Variants in CLPTM1L observed in about 807,000 individuals in gnomAD.
CLPTM1L encodes the protein lipid scramblase CLPTM1L.
In CLPTM1L, 38 loss-of-function variants were observed where a neutral mutation model predicts 70.9. That is an observed-to-expected ratio of 0.54 (90% CI 0.41 to 0.70). CLPTM1L has a LOEUF of 0.70. Among genes scored for constraint, CLPTM1L ranks in the 30% least tolerant of loss-of-function variants. CLPTM1L has a pLI of 0.00. For synonymous variants in CLPTM1L, 339 were observed against 299.9 expected (o/e 1.13, Z -1.35); for missense variants, 652 against 705.9 (o/e 0.92, Z 0.87).
chr5:1,340,910 C>T (rs1259298533), intron 3 of CLPTM1L, among the ~76,000 whole-genome samples: 3 of 152,100 alleles, frequency 2.0e-5, no homozygotes, highest in Admixed American at 6.6e-5. Flanking sequence ...GGATTACAGG[C>T]GCGTGCCACC....
chr5:1,327,876 C>T (rs541291547), intron 9 of CLPTM1L, among the ~76,000 whole-genome samples: 3 of 134,762 alleles, frequency 2.2e-5, no homozygotes, highest in African/African-American at 8.4e-5. Flanking sequence ...TTTCATCCAG[C>T]TCCTCCTCTA....
chr5:1,331,520 G>GCCCAGA (rs1753088272), intron 8 of CLPTM1L: 1 of 555,190 alleles, frequency 1.8e-6, no homozygotes, highest in Non-Finnish European at 3.2e-6. Flanking sequence ...ACTCTCCACA[G>GCCCAGA]CCCAGACCCA....
At chr5:1,341,326 C>A (rs1252529025) in intron 3 of CLPTM1L, among the ~76,000 whole-genome samples, 1 of 152,236 alleles carries the variant, frequency 6.6e-6, no homozygotes, top group Non-Finnish European at 1.5e-5. Flanking sequence ...CCCCAGAGCT[C>A]CTGGTGAGAA....
At position 1,335,037 on chromosome 5, in the gene CLPTM1L, C is replaced by T. The variant is rs200594051; in HGVS notation, c.796+20G>A. ...CTCCAGGGCGGCCTCACCCAGGCGC[C>T]GGCCGTGTGCGGCACATACCGAACT... On this transcript the variant is annotated intron_variant, in intron 6 of 16. Coordinates refer to ENST00000320895, the MANE Select transcript of CLPTM1L (RefSeq NM_030782.5). The T allele has an allele frequency of 5.5e-5, 88 of 1,598,410 alleles. No homozygotes were observed. In the East Asian group the frequency reaches 7.8e-4, roughly 14 times the overall value.
chr5:1,324,935 G>T, intron 10 of CLPTM1L, 122 bp from the exon 11 acceptor site: 1 of 847,676 alleles, frequency 1.2e-6, no homozygotes, highest in Non-Finnish European at 2.0e-6. Flanking sequence ...TACAGAGGGC[G>T]CTCAGGTCCC....
At chr5:1,333,145 T>G (rs796927972) in intron 7 of CLPTM1L, among the ~76,000 whole-genome samples, 6 of 54,848 alleles carry the variant, frequency 1.1e-4, no homozygotes, top group Admixed American at 2.1e-4. Context: ...GACTACTGTA[T>G]ACACACCGGA....
chr5:1,326,252 G>A (rs1752531114), intron 9 of CLPTM1L: 1 of 250,406 alleles, frequency 4.0e-6, no homozygotes, highest in East Asian at 1.2e-4. Flanking sequence ...ACGGCACTGT[G>A]ACTCGTACCT....
intron 13 of CLPTM1L, 120 bp downstream of exon 13, chr5:1,322,757 T>C: frequency 1.0e-6 from 1 of 994,248 alleles, no homozygotes; most frequent in Non-Finnish European, 1.6e-6. Flanking sequence ...CAGAACAGGG[T>C]GGGGAGGGAT....
In CLPTM1L at chr5:1,335,088, C is replaced by T. The variant is rs1579646057; in HGVS notation, c.765G>A (p.Met255Ile). Residue 255 changes from methionine to isoleucine, a missense_variant, in exon 6 of 17, where the codon ATG becomes ATA. Physicochemically the swap from Met to Ile is conservative, Grantham distance 10 (BLOSUM62 1). Coordinates refer to ENST00000320895, the MANE Select transcript of CLPTM1L (RefSeq NM_030782.5). ...SLGRLRFWIH[M>I]QDAVYSLQQF... ...GCTGCAGGGAGTACACGGCGTCCTG[C>T]ATGTGGATCCAGAAGCGCAGCCGCC... 1 of 1,613,546 alleles carries T rather than the reference C, an allele frequency of 6.2e-7. No homozygotes were observed. The highest frequency in any genetic ancestry group is 8.5e-7 in the Non-Finnish European group (1 of 1,180,008).
chr5:1,337,798 C>T, intron 5 of CLPTM1L, 106 bp downstream of exon 5: 1 of 906,378 alleles, frequency 1.1e-6, no homozygotes, highest in Non-Finnish European at 1.8e-6. Flanking sequence ...AGCACCGTGT[C>T]AAATGTCAGC....
In CLPTM1L at chr5:1,342,228, C is replaced by G. The variant is rs1753995837; in HGVS notation, c.264-368G>C. Among the ~76,000 whole-genome samples the G allele has an allele frequency of 6.6e-6, 1 of 152,188 alleles. No homozygotes were observed. Among genetic ancestry groups the G allele is most frequent in the African/African-American group, 2.4e-5 (1 of 41,446 alleles). On this transcript the variant is annotated intron_variant, in intron 2 of 16. Transcript: ENST00000320895. The surrounding 1 kb of genome is among the most constrained non-coding windows in gnomAD (Gnocchi z 4.3). ...GCCTGGCCAGGGTACCAGCTGACCA[C>G]ACACACTGAATCACCCAACTCCGAA...
At chr5:1,338,141 G>A (rs1560868223) in intron 4 of CLPTM1L, 159 bp from the exon 5 acceptor site, 6 of 648,206 alleles carry the variant, frequency 9.3e-6, no homozygotes, top group South Asian at 8.9e-5. Flanking sequence ...CTCCCCAAAC[G>A]GAAGCAGAGA....
rs1754176107 is a variant in CLPTM1L, at chr5:1,344,821, G to A, written c.21C>T (p.Ser7=). The A allele has an allele frequency of 1.3e-6, 2 of 1,578,820 alleles. No homozygotes were observed. The highest frequency in any genetic ancestry group is 2.4e-5 in the East Asian group (1 of 40,980). Residue 7 remains serine (S), a synonymous_variant, in exon 1 of 17, where the codon TCC becomes TCT. Coordinates refer to ENST00000320895, the MANE Select transcript of CLPTM1L (RefSeq NM_030782.5). MWSGRS[S]FTSLVVGVFV... is the part of the protein sequence containing the mutation. ...ACACGCCCACCACCAAGCTGGTGAA[G>A]GAGCTGCGGCCGCTCCACATGGCGG...
At chr5:1,330,165 G>A (rs978883555) in intron 9 of CLPTM1L, 115 bp downstream of exon 9, 24 of 830,450 alleles carry the variant, frequency 2.9e-5, no homozygotes, top group South Asian at 6.2e-5. Flanking sequence ...TGAGGCCATC[G>A]GGAACAAGCA....
chr5:1,336,540 G>A (rs991217295), intron 5 of CLPTM1L, among the ~76,000 whole-genome samples: 4 of 152,206 alleles, frequency 2.6e-5, no homozygotes, highest in Non-Finnish European at 4.4e-5. Context: ...AGCGGCATGA[G>A]GCTTCACAAG....
chr5:1,330,989 T>A (rs544654218), intron 8 of CLPTM1L: 1 of 152,814 alleles, frequency 6.5e-6, no homozygotes, highest in Admixed American at 6.5e-5. Context: ...GCCACCTGCT[T>A]GGGCGTCTTT....
At chr5:1,334,474 C>G (rs188426545) in intron 6 of CLPTM1L, 91 bp from the exon 7 acceptor site, 1 of 931,806 alleles carries the variant, frequency 1.1e-6, no homozygotes, top group African/African-American at 1.7e-5. Context: ...AAAATTTAGG[C>G]CGGGCGCAGT....
chr5:1,337,697 C>T (rs1207386428), intron 5 of CLPTM1L, among the ~76,000 whole-genome samples: 33 of 152,252 alleles, frequency 2.2e-4, no homozygotes, highest in Non-Finnish European at 5.9e-5. Context: ...CAGGACCCCG[C>T]AGCCAGCCAA....
chr5:1,325,746 C>T lies in CLPTM1L; in HGVS notation c.1146+5G>A, dbSNP rs1320751463. 1 of 1,612,458 alleles carries T rather than the reference C, an allele frequency of 6.2e-7. No individual in the cohort carries two copies. The highest frequency in any genetic ancestry group is 2.2e-5 in the East Asian group (1 of 44,874). On this transcript the variant is annotated splice_donor_5th_base_variant and intron_variant, in intron 10 of 16. Coordinates refer to ENST00000320895, the MANE Select transcript of CLPTM1L (RefSeq NM_030782.5). ...TGGGGTTCAGCCATTACAACTAAAT[C>T]CTACCTGAAATTCGGGCATCAGGCC...
Sources: gnomAD v4.1 joint callset for allele counts (sites outside exome capture counted in the v4.1 genomes callset) on GRCh38, gnomAD v4.1.1 for gene constraint, Gnocchi (gnomAD v3.1) non-coding constraint, MANE v1.5 for transcripts, NCBI Gene and HGNC (gene_info 2026-07-23, HGNC 2026-07-21) for gene names.